CELF2: variants seen among roughly 807,000 people sequenced by gnomAD.
CELF2 encodes CUG triplet repeat RNA-binding protein 2.
A neutral mutation model predicts 62.6 loss-of-function variants in CELF2; 8 were observed. The ratio of observed to expected loss-of-function variants is 0.13; its 90% CI spans 0.07 to 0.23. CELF2 has a LOEUF of 0.23. CELF2 is among the 10% of genes least tolerant of loss of function. CELF2 has a pLI of 1.00. For missense variants in CELF2, 333 were observed against 671.0 expected (o/e 0.50, Z 5.56); for synonymous variants, 258 against 250.0 (o/e 1.03, Z -0.30).
intron 1 of CELF2, among the ~76,000 whole-genome samples, chr10:10,862,384 G>A (rs370469769): frequency 6.6e-6 from 1 of 152,122 alleles, no homozygotes; most frequent in African/African-American, 2.4e-5. Flanking sequence ...TGGCTCACTC[G>A]CCTGGTTGGT....
chr10:10,946,469 A>C (rs2047693972), intron 2 of CELF2: 1 of 152,612 alleles, frequency 6.6e-6, no homozygotes, highest in South Asian at 2.1e-4. Context: ...TCAGTTTAAG[A>C]GAGTAGTAAG....
the CELF2 span, among the ~76,000 whole-genome samples, chr10:10,619,548 G>T: frequency 2.8e-4 from 42 of 152,244 alleles, no homozygotes; most frequent in African/African-American, 1.0e-3. Flanking sequence ...GAGGTCTTTG[G>T]GTAGAGCGCT....
chr10:10,962,336 C>T (rs2049608126), intron 2 of CELF2, among the ~76,000 whole-genome samples: 1 of 152,240 alleles, frequency 6.6e-6, no homozygotes, highest in African/African-American at 2.4e-5. Context: ...TGTGGCCACT[C>T]ACAAAGCCAC....
chr10:11,238,762 A>C (rs1312561522), intron 3 of CELF2, among the ~76,000 whole-genome samples: 1 of 152,162 alleles, frequency 6.6e-6, no homozygotes, highest in African/African-American at 2.4e-5. Context: ...AAAGATTGCC[A>C]TTTTTTTGAG....
the CELF2 span, among the ~76,000 whole-genome samples, chr10:10,463,531 C>A: frequency 2.6e-5 from 4 of 152,120 alleles, no homozygotes; most frequent in Non-Finnish European, 2.9e-5. Context: ...GCAACTCTGG[C>A]TACTATATTT....
chr10:10,871,920 T>C (rs1032342952), intron 1 of CELF2, among the ~76,000 whole-genome samples: 65 of 152,220 alleles, frequency 4.3e-4, no homozygotes, highest in African/African-American at 1.5e-3. Context: ...ATAGGAGCTA[T>C]AATATTGAGT....
chr10:11,294,091 C>A (rs908395025), intron 9 of CELF2, among the ~76,000 whole-genome samples: 3 of 152,194 alleles, frequency 2.0e-5, no homozygotes, highest in African/African-American at 7.2e-5. Flanking sequence ...TCATATGAAG[C>A]AGTCTTTTTA....
intron 2 of CELF2, among the ~76,000 whole-genome samples, chr10:11,204,795 C>G (rs999081279): frequency 6.6e-6 from 1 of 152,228 alleles, no homozygotes; most frequent in Non-Finnish European, 1.5e-5. Flanking sequence ...CCTCCCCGTC[C>G]TCATCGCAGC....
chr10:10,498,155 G>C, the CELF2 span, among the ~76,000 whole-genome samples: 4 of 152,154 alleles, frequency 2.6e-5, no homozygotes, highest in Admixed American at 2.6e-4. Context: ...ACAAGAAGGA[G>C]ATAAGGATGG....
intron 5 of CELF2, among the ~76,000 whole-genome samples, chr10:11,259,600 G>A (rs890584491): frequency 4.6e-5 from 7 of 152,074 alleles, no homozygotes; most frequent in Admixed American, 6.5e-5. Context: ...GCTCCTCTGC[G>A]GTTTTTCACC....
intron 2 of CELF2, among the ~76,000 whole-genome samples, chr10:11,197,755 A>G (rs927889276): frequency 6.6e-6 from 1 of 152,240 alleles, no homozygotes; most frequent in African/African-American, 2.4e-5. Flanking sequence ...GGGTGCATGT[A>G]TGCAAAATCT....
chr10:10,600,243 A>G, the CELF2 span, among the ~76,000 whole-genome samples: 20 of 152,206 alleles, frequency 1.3e-4, no homozygotes, highest in Non-Finnish European at 2.1e-4. Context: ...TTTGCAAAGC[A>G]AGGTTTCATT....
the CELF2 span, among the ~76,000 whole-genome samples, chr10:10,508,506 T>C: frequency 6.6e-6 from 1 of 152,212 alleles, no homozygotes; most frequent in East Asian, 1.9e-4. Context: ...TGAAATGTCC[T>C]GTGGGATTTA....
At chr10:10,941,003 AGG>A (rs1416812152) in intron 2 of CELF2, among the ~76,000 whole-genome samples, 2 of 152,168 alleles carry the variant, frequency 1.3e-5, no homozygotes, top group Non-Finnish European at 2.9e-5. Context: ...ACTTATAGTC[AGG>A]GTGATCTTTT....
the CELF2 span, among the ~76,000 whole-genome samples, chr10:10,755,562 C>T: frequency 6.6e-6 from 1 of 152,300 alleles, no homozygotes; most frequent in South Asian, 2.1e-4. Context: ...CAGCACCAGT[C>T]GCTCTACGAC....
chr10:10,917,281 G>A (rs2064430994), intron 1 of CELF2, among the ~76,000 whole-genome samples: 1 of 152,162 alleles, frequency 6.6e-6, no homozygotes, highest in Non-Finnish European at 1.5e-5. Context: ...AATCCAGTAA[G>A]CTTTTGAAAC....
At chr10:10,585,928 T>C in the CELF2 span, among the ~76,000 whole-genome samples, 1 of 152,200 alleles carries the variant, frequency 6.6e-6, no homozygotes, top group Non-Finnish European at 1.5e-5. Flanking sequence ...TGTTGTTTGC[T>C]TGTATGTGTG....
chr10:11,247,398 C>T lies in CELF2; in HGVS notation c.355-1755C>T, dbSNP rs1037666283. Among the ~76,000 whole-genome samples the T allele has an allele frequency of 2.0e-5, 3 of 152,226 alleles. No homozygotes were observed. Among genetic ancestry groups the T allele is most frequent in the Non-Finnish European group, 1.5e-5 (1 of 68,042 alleles). ...CCCGTGAGTTTCACATGCCGGCCCCCCTTCAGTGCTCGCACGTCCAAGGAC... is the reference window on the plus strand; with the variant it reads ...CCCGTGAGTTTCACATGCCGGCCCCTCTTCAGTGCTCGCACGTCCAAGGAC... On this transcript the variant is annotated intron_variant, in intron 3 of 12. Transcript: ENST00000633077. This position sits in a 1 kb window ranked among gnomAD's most constrained non-coding sequence, Gnocchi z 5.4.
chr10:10,596,479 G>T, the CELF2 span, among the ~76,000 whole-genome samples: 4 of 152,264 alleles, frequency 2.6e-5, no homozygotes, highest in African/African-American at 9.6e-5. Context: ...TGCCATGGTG[G>T]GTGGGTAGCA....
Sources: allele counts gnomAD v4.1 joint callset (sites outside exome capture counted in the v4.1 genomes callset), GRCh38; gene constraint gnomAD v4.1.1; non-coding constraint Gnocchi (gnomAD v3.1); transcripts MANE v1.5; gene names NCBI Gene and HGNC (gene_info 2026-07-23, HGNC 2026-07-21).